The following LRRTM4 variants were observed in gnomAD, a reference collection of about 807,000 sequenced individuals.
LRRTM4 encodes leucine rich repeat transmembrane neuronal 4, also known as leucine-rich repeat transmembrane neuronal protein 4.
In LRRTM4, 25 loss-of-function variants were observed where a neutral mutation model predicts 47.6. The observed-to-expected ratio is 0.53, with a 90% CI of 0.38 to 0.73. The LOEUF is 0.73. Among genes scored for constraint, LRRTM4 ranks in the 30% least tolerant of loss-of-function variants. The pLI, the probability that LRRTM4 is intolerant of heterozygous loss-of-function variation, is 0.00. For synonymous variants in LRRTM4, 311 were observed against 269.5 expected (o/e 1.15, Z -1.51); for missense variants, 638 against 713.4 (o/e 0.89, Z 1.20).
intron 3 of LRRTM4, among the ~76,000 whole-genome samples, chr2:77,088,822 G>A (rs113414865): frequency 0.14 from 21,686 of 151,994 alleles, 2,280 homozygotes; most frequent in East Asian, 0.42. Context: ...TTTCAAATCC[G>A]GTAAGCGGCA....
chr2:77,124,127 T>C (rs983707363), intron 3 of LRRTM4, among the ~76,000 whole-genome samples: 12 of 151,786 alleles, frequency 7.9e-5, no homozygotes, highest in Non-Finnish European at 1.5e-5. Flanking sequence ...GCCATAGAGA[T>C]TAGAAAAGGA....
chr2:77,292,996 AT>A (rs1215831882), intron 3 of LRRTM4, among the ~76,000 whole-genome samples: 31 of 151,884 alleles, frequency 2.0e-4, no homozygotes, highest in Admixed American at 6.6e-4. Context: ...TAATAAAAAA[AT>A]ATATATACCA....
intron 3 of LRRTM4, among the ~76,000 whole-genome samples, chr2:77,282,047 T>TA (rs1406499683): frequency 1.3e-5 from 2 of 151,968 alleles, no homozygotes; most frequent in African/African-American, 4.8e-5. Context: ...ACTTTAACAA[T>TA]ACTGATTCTT....
chr2:77,175,160 C>G (rs1300741312), intron 3 of LRRTM4, among the ~76,000 whole-genome samples: 1 of 151,200 alleles, frequency 6.6e-6, no homozygotes, highest in East Asian at 2.0e-4. Flanking sequence ...ACCTCCACCT[C>G]CTGGGTTCAA....
chr2:76,925,547 T>C (rs1226275543), intron 3 of LRRTM4, among the ~76,000 whole-genome samples: 2 of 152,152 alleles, frequency 1.3e-5, no homozygotes, highest in Non-Finnish European at 2.9e-5. Flanking sequence ...ATCAGAAAAC[T>C]AATAGACGTT....
At chr2:76,750,176 C>G (rs778709445) in intron 3 of LRRTM4, among the ~76,000 whole-genome samples, 1 of 152,208 alleles carries the variant, frequency 6.6e-6, no homozygotes, top group Non-Finnish European at 1.5e-5. Context: ...CTGGCTATAT[C>G]AATTTATTCC....
chr2:77,343,328 T>A (rs976667352), intron 3 of LRRTM4, among the ~76,000 whole-genome samples: 1 of 151,942 alleles, frequency 6.6e-6, no homozygotes, highest in African/African-American at 2.4e-5. Context: ...ATGGAAAACA[T>A]ATTTTAATGT....
chr2:77,285,200 G>C (rs1338821416), intron 3 of LRRTM4, among the ~76,000 whole-genome samples: 1 of 151,428 alleles, frequency 6.6e-6, no homozygotes, highest in East Asian at 2.0e-4. Context: ...ACCTATTTGA[G>C]AGCATTTCGG....
chr2:77,389,108 A>G (rs985073545), intron 3 of LRRTM4, among the ~76,000 whole-genome samples: 2 of 152,136 alleles, frequency 1.3e-5, no homozygotes, highest in African/African-American at 4.8e-5. Context: ...GTTATTAAGC[A>G]TTAAAAAATG....
chr2:77,462,954 C>T (rs1395553733), intron 3 of LRRTM4, among the ~76,000 whole-genome samples: 1 of 151,730 alleles, frequency 6.6e-6, no homozygotes, highest in Non-Finnish European at 1.5e-5. Flanking sequence ...GAAGAAATGA[C>T]TAAAGAGCCA....
intron 3 of LRRTM4, among the ~76,000 whole-genome samples, chr2:77,509,231 C>CA (rs3085637): frequency 0.4 from 54,908 of 137,924 alleles, 11,583 homozygotes; most frequent in Non-Finnish European, 0.48. Flanking sequence ...GACTCTGTAT[C>CA]AAAAAAAAAA....
intron 3 of LRRTM4, among the ~76,000 whole-genome samples, chr2:76,897,031 C>T (rs1673439791): frequency 6.6e-6 from 1 of 151,864 alleles, no homozygotes; most frequent in African/African-American, 2.4e-5. Context: ...GCCCAGCATA[C>T]TTTGTAAGAC....
intron 3 of LRRTM4, among the ~76,000 whole-genome samples, chr2:77,162,269 G>T (rs1672750880): frequency 6.6e-6 from 1 of 152,204 alleles, no homozygotes; most frequent in African/African-American, 2.4e-5. Context: ...AGCAAGGCTG[G>T]GGGTGGGGCG....
intron 3 of LRRTM4, among the ~76,000 whole-genome samples, chr2:77,365,750 G>C (rs1050805297): frequency 6.6e-6 from 1 of 151,070 alleles, no homozygotes; most frequent in Non-Finnish European, 1.5e-5. Context: ...GATAAACATT[G>C]GGTATGTTAG....
Position 77,335,998 on chromosome 2 carries a change from T to C in LRRTM4, c.1551+182320A>G, listed in dbSNP as rs1024811764. Among the ~76,000 whole-genome samples the C allele has an allele frequency of 7.9e-5, 12 of 151,904 alleles. 1 individual carries two copies. Among genetic ancestry groups the C allele is most frequent in the Admixed American group, 2.0e-4 (3 of 15,206 alleles). ...GAGTAACTGGGTTCACTTAAAGAAATAGGCAGTGGGCTGGATTTCATCTGC... is the reference window on the plus strand; with the variant it reads ...GAGTAACTGGGTTCACTTAAAGAAACAGGCAGTGGGCTGGATTTCATCTGC... On this transcript the variant is annotated intron_variant, in intron 3 of 3. Transcript: ENST00000409884.
intron 3 of LRRTM4, among the ~76,000 whole-genome samples, chr2:77,263,071 G>T (rs754585057): frequency 6.6e-6 from 1 of 152,062 alleles, no homozygotes; most frequent in Non-Finnish European, 1.5e-5. Flanking sequence ...GGGGCTGAAG[G>T]TTGAGTTAAT....
At chr2:77,078,705 C>T (rs1032509578) in intron 3 of LRRTM4, among the ~76,000 whole-genome samples, 5 of 152,152 alleles carry the variant, frequency 3.3e-5, no homozygotes, top group African/African-American at 7.2e-5. Context: ...CCTTGTCCAG[C>T]AAGCAAAAGG....
intron 3 of LRRTM4, among the ~76,000 whole-genome samples, chr2:77,189,629 G>A (rs983052402): frequency 2.0e-4 from 31 of 151,852 alleles, no homozygotes; most frequent in East Asian, 5.9e-4. Context: ...CAACCATGCC[G>A]GCACCGTGAT....
chr2:76,892,120 CCA>C (rs1240257603), intron 3 of LRRTM4, among the ~76,000 whole-genome samples: 1 of 151,304 alleles, frequency 6.6e-6, no homozygotes, highest in Non-Finnish European at 1.5e-5. Flanking sequence ...AAATTTAAGT[CCA>C]GTCTTAGTTA....
Sources: gnomAD v4.1 joint callset for allele counts (sites outside exome capture counted in the v4.1 genomes callset) on GRCh38, gnomAD v4.1.1 for gene constraint, MANE v1.5 for transcripts, NCBI Gene and HGNC (gene_info 2026-07-23, HGNC 2026-07-21) for gene names.